Variants in CCDC148 observed in about 807,000 individuals in gnomAD.
The protein encoded by CCDC148 is coiled-coil domain containing 148, also known as coiled-coil domain-containing protein 148.
A neutral mutation model predicts 85.7 loss-of-function variants in CCDC148; 89 were observed. The observed-to-expected ratio is 1.04, with a 90% CI of 0.87 to 1.24. The LOEUF is 1.24. CCDC148 is among the 50% of genes most tolerant of loss of function. The pLI, the probability that CCDC148 is intolerant of heterozygous loss-of-function variation, is 0.00. For missense variants in CCDC148, 692 were observed against 671.7 expected (o/e 1.03, Z -0.33); for synonymous variants, 230 against 213.9 (o/e 1.08, Z -0.66).
intron 1 of CCDC148, among the ~76,000 whole-genome samples, chr2:158,451,411 A>C: frequency 6.6e-6 from 1 of 152,164 alleles, no homozygotes; most frequent in East Asian, 1.9e-4. Context: ...TTTCCTCCTG[A>C]GAAATTTTTA....
chr2:158,208,110 G>A (rs573626417), intron 11 of CCDC148, among the ~76,000 whole-genome samples: 13 of 152,274 alleles, frequency 8.5e-5, no homozygotes, highest in African/African-American at 2.6e-4. Context: ...GACAAGATGA[G>A]AGGATGATAG....
chr2:158,332,018 T>C (rs1693156885), intron 7 of CCDC148, among the ~76,000 whole-genome samples: 1 of 152,228 alleles, frequency 6.6e-6, no homozygotes, highest in Admixed American at 6.5e-5. Context: ...TTAAGATTAA[T>C]ATTGTTATGT....
intron 7 of CCDC148, among the ~76,000 whole-genome samples, chr2:158,335,480 T>C (rs892642493): frequency 8.5e-5 from 13 of 152,202 alleles, no homozygotes; most frequent in Non-Finnish European, 7.4e-5. Context: ...AAAAGAAAGA[T>C]GTTTAATTGA....
intron 1 of CCDC148, among the ~76,000 whole-genome samples, chr2:158,441,375 G>A (rs901770016): frequency 6.6e-6 from 1 of 152,048 alleles, no homozygotes; most frequent in Non-Finnish European, 1.5e-5. Flanking sequence ...TGAATGAATC[G>A]TATTTAAAAT....
At chr2:158,349,728 T>C (rs957413796) in intron 2 of CCDC148, among the ~76,000 whole-genome samples, 1 of 152,120 alleles carries the variant, frequency 6.6e-6, no homozygotes, top group South Asian at 2.1e-4. Context: ...ATATTCCCAA[T>C]GCATCTTCCT....
chr2:158,317,668 C>T (rs559001113), intron 7 of CCDC148, among the ~76,000 whole-genome samples: 6 of 152,226 alleles, frequency 3.9e-5, no homozygotes, highest in Admixed American at 1.3e-4. Flanking sequence ...GTTCTGGTTC[C>T]GTGACATTCA....
chr2:158,315,903 T>C (rs1692257727), intron 7 of CCDC148, among the ~76,000 whole-genome samples: 1 of 152,234 alleles, frequency 6.6e-6, no homozygotes, highest in African/African-American at 2.4e-5. Flanking sequence ...CTTTGCACTC[T>C]GGCCTTTCCC....
chr2:158,300,506 A>G (rs1163216656), intron 9 of CCDC148, among the ~76,000 whole-genome samples: 2 of 152,220 alleles, frequency 1.3e-5, no homozygotes, highest in Non-Finnish European at 2.9e-5. Context: ...GGATTCAACA[A>G]AGTTTTCCTG....
intron 10 of CCDC148, among the ~76,000 whole-genome samples, chr2:158,243,503 C>CAAAAT: frequency 6.6e-6 from 1 of 152,080 alleles, no homozygotes; most frequent in African/African-American, 2.4e-5. Context: ...AGCTATACCA[C>CAAAAT]AATCTTTTTG....
At chr2:158,262,157 T>C (rs1300129016) in intron 9 of CCDC148, among the ~76,000 whole-genome samples, 3 of 152,090 alleles carry the variant, frequency 2.0e-5, no homozygotes, top group Non-Finnish European at 2.9e-5. Context: ...GTGGTACATA[T>C]ACACCATCGA....
At chr2:158,228,354 T>C (rs1421038308) in intron 10 of CCDC148, among the ~76,000 whole-genome samples, 4 of 152,198 alleles carry the variant, frequency 2.6e-5, no homozygotes, top group Non-Finnish European at 5.9e-5. Context: ...TTTTACACTG[T>C]TGGTGGGACT....
intron 1 of CCDC148, among the ~76,000 whole-genome samples, chr2:158,415,225 G>T (rs1215935308): frequency 6.6e-6 from 1 of 152,052 alleles, no homozygotes; most frequent in Admixed American, 6.6e-5. Context: ...ATGGCAGAAG[G>T]CAAAGGGGAA....
intron 9 of CCDC148, among the ~76,000 whole-genome samples, chr2:158,297,452 A>G (rs1559052323): frequency 6.6e-6 from 1 of 152,182 alleles, no homozygotes; most frequent in Non-Finnish European, 1.5e-5. Context: ...GTGATCCAAC[A>G]TAGTGTGTGC....
chr2:158,412,346 G>C (rs1686299283), intron 1 of CCDC148, among the ~76,000 whole-genome samples: 1 of 152,172 alleles, frequency 6.6e-6, no homozygotes, highest in South Asian at 2.1e-4. Context: ...TGGATAGTAA[G>C]TCATTGTTTT....
chr2:158,257,495 C>T (rs1252122605), intron 9 of CCDC148, among the ~76,000 whole-genome samples: 1 of 151,778 alleles, frequency 6.6e-6, no homozygotes, highest in Non-Finnish European at 1.5e-5. Flanking sequence ...TATGTTTAAA[C>T]TTTGCTCATG....
chr2:158,424,205 TCC>T (rs1238096175), intron 1 of CCDC148, among the ~76,000 whole-genome samples: 1 of 152,160 alleles, frequency 6.6e-6, no homozygotes, highest in African/African-American at 2.4e-5. Flanking sequence ...GACCTAGCCA[TCC>T]CATTACTGAG....
intron 7 of CCDC148, among the ~76,000 whole-genome samples, chr2:158,332,083 T>C (rs1384391660): frequency 6.6e-6 from 1 of 152,178 alleles, no homozygotes; most frequent in East Asian, 1.9e-4. Flanking sequence ...CGTTAGTTGA[T>C]GCAGTTTCTT....
intron 7 of CCDC148, among the ~76,000 whole-genome samples, chr2:158,315,442 T>C (rs944008655): frequency 1.3e-5 from 2 of 152,180 alleles, no homozygotes; most frequent in Middle Eastern, 3.4e-3. Flanking sequence ...CTAAAGTACA[T>C]GTCTTCATTA....
chr2:158,385,978 G>T (rs1574732332), intron 1 of CCDC148, among the ~76,000 whole-genome samples: 1 of 152,030 alleles, frequency 6.6e-6, no homozygotes, highest in East Asian at 1.9e-4. Flanking sequence ...CAAATAGTGG[G>T]GTCTGGCCTC....
Sources: allele counts gnomAD v4.1 joint callset (sites outside exome capture counted in the v4.1 genomes callset), GRCh38; gene constraint gnomAD v4.1.1; transcripts MANE v1.5; gene names NCBI Gene and HGNC (gene_info 2026-07-23, HGNC 2026-07-21).